ABCC8: variants seen among roughly 807,000 people sequenced by gnomAD.
ABCC8 encodes the protein ATP binding cassette subfamily C member 8, also known as ATP-binding cassette sub-family C member 8.
A neutral mutation model predicts 188.0 loss-of-function variants in ABCC8; 137 were observed. The observed-to-expected ratio is 0.73, with a 90% confidence interval of 0.63 to 0.84. The LOEUF is 0.84. Ranked by LOEUF, ABCC8 falls within the 40% of genes least tolerant of loss-of-function variation. The pLI is 0.00. For synonymous variants in ABCC8, 797 were observed against 846.5 expected, an observed-to-expected ratio of 0.94 and a Z score of 1.01; for missense variants, 1,750 against 2,072.7, an observed-to-expected ratio of 0.84 and a Z score of 3.02.
At chr11:17,424,242 A>G (rs144592232) in intron 16 of ABCC8, among the ~76,000 whole-genome samples, 1 of 152,276 alleles carries the variant, frequency 6.6e-6, no homozygotes, top group East Asian at 1.9e-4. Flanking sequence ...ACAGGTTGAT[A>G]GGTGCAGCAA....
At chr11:17,413,092 G>A (rs1591761097) in intron 20 of ABCC8, 1 of 597,424 alleles carries the variant, frequency 1.7e-6, no homozygotes, top group Non-Finnish European at 2.9e-6. Context: ...TCTGGAGGAT[G>A]AACAGGAACA....
intron 16 of ABCC8, among the ~76,000 whole-genome samples, chr11:17,422,495 CA>C (rs1955391601): frequency 6.6e-6 from 1 of 152,172 alleles, no homozygotes; most frequent in Non-Finnish European, 1.5e-5. Context: ...TTAAGATCTT[CA>C]AGAGGCTGCC....
At chr11:17,459,801 C>A (rs191786864) in intron 6 of ABCC8, among the ~76,000 whole-genome samples, 160 of 152,298 alleles carry the variant, frequency 1.1e-3, no homozygotes, top group Middle Eastern at 6.8e-3. Flanking sequence ...CAAATAACCC[C>A]GGGGAAAGGT....
intron 33 of ABCC8, 129 bp downstream of exon 33, chr11:17,396,787 G>A (rs751252770): frequency 1.8e-5 from 22 of 1,197,308 alleles, no homozygotes; most frequent in African/African-American, 7.6e-5. Flanking sequence ...AGGAGACTGC[G>A]ATGTCTGAAT....
intron 10 of ABCC8, 46 bp downstream of exon 10, chr11:17,442,674 C>T: frequency 1.3e-6 from 2 of 1,592,178 alleles, no homozygotes; most frequent in Non-Finnish European, 1.7e-6. Flanking sequence ...CCTCTCCTTG[C>T]ATGTACGCAG....
intron 29 of ABCC8, chr11:17,398,947 T>A (rs1387654143): frequency 1.6e-5 from 3 of 191,016 alleles, no homozygotes; most frequent in African/African-American, 7.0e-5. Flanking sequence ...AATCGCAAAC[T>A]GTGTCCTCTC....
At chr11:17,454,603 A>C (rs1591867005) in intron 6 of ABCC8, among the ~76,000 whole-genome samples, 1 of 152,082 alleles carries the variant, frequency 6.6e-6, no homozygotes, top group East Asian at 1.9e-4. Flanking sequence ...GCAGGGAGAG[A>C]CCTGAATTTC....
chr11:17,438,287 A>G (rs1180029988), intron 10 of ABCC8, among the ~76,000 whole-genome samples: 1 of 152,218 alleles, frequency 6.6e-6, no homozygotes, highest in African/African-American at 2.4e-5. Flanking sequence ...TTGTTTAAAA[A>G]AAATGAATGG....
intron 29 of ABCC8, 128 bp from the exon 30 acceptor site, chr11:17,398,569 T>G: frequency 6.5e-7 from 1 of 1,532,322 alleles, no homozygotes. Context: ...GGCCACTTCA[T>G]GTAAGCTATC....
Position 17,408,358 on chromosome 11 carries a change from G to T in ABCC8, c.2820+34C>A, listed in dbSNP as rs201756398. On this transcript the variant is annotated intron_variant, in intron 23 of 38. Transcript: ENST00000389817. ...GTTCTAGCAGAACCTTTGCATCCAG[G>T]GGTGGCTGCTTGGCCATCCCTGGAT... The T allele has an allele frequency of 1.9e-5, 31 of 1,591,344 alleles. No individual in the cohort carries two copies. In the South Asian group the frequency reaches 3.2e-4, roughly 16 times the overall value.
At chr11:17,472,839 C>T (rs1034075466) in intron 2 of ABCC8, among the ~76,000 whole-genome samples, 2 of 152,260 alleles carry the variant, frequency 1.3e-5, no homozygotes, top group South Asian at 4.1e-4. Flanking sequence ...GGGCTCTGCA[C>T]CCTGTCCATG....
intron 14 of ABCC8, 127 bp downstream of exon 14, chr11:17,428,162 A>C (rs1955672187): frequency 3.2e-6 from 5 of 1,560,186 alleles, no homozygotes; most frequent in Non-Finnish European, 4.4e-6. Flanking sequence ...CTGGACTCCT[A>C]TGGACCGTAC....
In ABCC8 at chr11:17,396,924, C is replaced by T; in HGVS notation, c.4111G>A (p.Gly1371Arg). The change falls in exon 33 of 39, where the codon GGA becomes AGA. Residue 1371 changes from glycine (G) to arginine (R), a missense_variant. Transcript: ENST00000389817. Reference protein sequence around the residue: ...LKHVNALIAPGQKIGICGRTG... With the variant: ...LKHVNALIAPRQKIGICGRTG... Reference sequence around the variant, plus strand: ...TGGGCCCGTGCTCTGACCTTCTGTCCAGGGGCGATGAGGGCATTGACGTGC... The same window carrying T: ...TGGGCCCGTGCTCTGACCTTCTGTCTAGGGGCGATGAGGGCATTGACGTGC... 1 of 1,614,118 alleles carries T rather than the reference C, an allele frequency of 6.2e-7. No homozygotes were observed. The highest frequency in any genetic ancestry group is 1.3e-5 in the African/African-American group (1 of 75,060).
At chr11:17,396,225 T>C in intron 33 of ABCC8, 1 of 541,518 alleles carries the variant, frequency 1.8e-6, no homozygotes, top group Non-Finnish European at 3.2e-6. Context: ...TGGGGGGCAG[T>C]GGTGTGTCTC....
rs149400972 is a variant in ABCC8 at position 17,428,356 on chromosome 11, C to A, written c.1973G>T (p.Gly658Val). The stretch of plus-strand genomic sequence containing the variant: ...CAGGCTCTGCAGTGGGCCGGTGAGG[C>A]CCCGACAATCCTCCCGGGCTGGACG... ...RKRPAREDCR[G>V]LTGPLQSLVP... The change falls in exon 14 of 39, where the codon GGC (glycine) becomes GTC (valine). Residue 658 changes from glycine (G) to valine (V), a missense_variant. Coordinates refer to ENST00000389817, the MANE Select transcript of ABCC8 (RefSeq NM_000352.6). 21 of 1,614,030 alleles carry A rather than the reference C, an allele frequency of 1.3e-5. No homozygotes were observed. The African/African-American group carries it at 2.1e-4, about 16-fold the overall frequency.
In ABCC8 at chr11:17,409,540, C is replaced by T. The variant is rs1057239124; in HGVS notation, c.2694+976G>A. ...TAGGTCTTTGGGTCTTATCTTTGGG[C>T]CTTTTTTCTTTGGGTGATTTTCTTT... On this transcript the variant is annotated intron_variant, in intron 22 of 38. Coordinates refer to ENST00000389817, the MANE Select transcript of ABCC8 (RefSeq NM_000352.6). Among the ~76,000 whole-genome samples the T allele has an allele frequency of 2.0e-4, 31 of 152,210 alleles. 1 individual carries two copies. The South Asian group carries it at 3.9e-3, about 19-fold the overall frequency.
At position 17,470,120 on chromosome 11, in the gene ABCC8, G is replaced by A. The variant is rs372524091; in HGVS notation, c.393C>T (p.Asn131=). 2.2e-5 allele frequency: 35 copies of A among 1,614,052 alleles called. No homozygotes were observed. Among genetic ancestry groups the A allele is most frequent in the Admixed American group, 1.5e-4 (9 of 59,998 alleles). The change falls in exon 3 of 39, where the codon AAC becomes AAT. Residue 131 remains asparagine, a synonymous_variant. Coordinates refer to ENST00000389817, the MANE Select transcript of ABCC8 (RefSeq NM_000352.6). ...VVYYHNIETS[N]FPKLLIALLV... The stretch of plus-strand genomic sequence containing the variant: ...ACCTACCAATTAGCAGCTTGGGGAA[G>A]TTGGAAGTCTCGATGTTGTGATAGT...
intron 10 of ABCC8, among the ~76,000 whole-genome samples, chr11:17,437,182 G>A (rs906356998): frequency 6.2e-5 from 9 of 144,096 alleles, no homozygotes; most frequent in Non-Finnish European, 1.1e-4. Flanking sequence ...GGGTTCTGGG[G>A]ACTACGGTAG....
intron 33 of ABCC8, 58 bp downstream of exon 33, chr11:17,396,858 A>G (rs1953954905): frequency 1.2e-5 from 20 of 1,604,388 alleles, no homozygotes; most frequent in South Asian, 3.3e-5. Context: ...AGCTCCGTGC[A>G]TGCCCCATCC....
Sources: allele counts gnomAD v4.1 joint callset (sites outside exome capture counted in the v4.1 genomes callset), GRCh38; gene constraint gnomAD v4.1.1; transcripts MANE v1.5; gene names NCBI Gene and HGNC (gene_info 2026-07-23, HGNC 2026-07-21).